RBFOX3: variants seen among roughly 807,000 people sequenced by gnomAD.
RBFOX3 encodes RNA binding fox-1 homolog 3.
RBFOX3 carries 17 observed loss-of-function variants against 48.7 expected under a neutral mutation model. The observed-to-expected ratio is 0.35, with a 90% CI of 0.24 to 0.52. The LOEUF is 0.52. RBFOX3 is among the 20% of genes least tolerant of loss of function. The pLI, the probability that RBFOX3 is intolerant of heterozygous loss-of-function variation, is 0.94. For synonymous variants in RBFOX3, 212 were observed against 209.5 expected (o/e 1.01, Z -0.10); for missense variants, 382 against 497.5 (o/e 0.77, Z 2.21).
At chr17:79,264,337 A>G (rs890679845) in intron 3 of RBFOX3, among the ~76,000 whole-genome samples, 1 of 151,260 alleles carries the variant, frequency 6.6e-6, no homozygotes, top group Non-Finnish European at 1.5e-5. Flanking sequence ...CGCCCTCCCA[A>G]AGTGCTGGGA....
intron 4 of RBFOX3, among the ~76,000 whole-genome samples, chr17:79,202,287 T>C (rs1020111585): frequency 6.6e-6 from 1 of 152,070 alleles, no homozygotes; most frequent in Non-Finnish European, 1.5e-5. Context: ...CAGAGTGGGA[T>C]TGGCAGGAGA....
intron 4 of RBFOX3, among the ~76,000 whole-genome samples, chr17:79,124,736 C>A (rs1159829097): frequency 1.3e-5 from 2 of 152,230 alleles, no homozygotes; most frequent in Non-Finnish European, 2.9e-5. Context: ...CCGCTCTCCA[C>A]CCCTTACCCC....
At chr17:79,449,800 G>T (rs561136742) in intron 2 of RBFOX3, among the ~76,000 whole-genome samples, 5 of 152,280 alleles carry the variant, frequency 3.3e-5, no homozygotes, top group African/African-American at 1.2e-4. Flanking sequence ...AGAGTGGTCT[G>T]GGCAGGAGAA....
intron 4 of RBFOX3, among the ~76,000 whole-genome samples, chr17:79,131,479 C>T (rs944570234): frequency 1.3e-5 from 2 of 152,242 alleles, no homozygotes; most frequent in African/African-American, 2.4e-5. Context: ...GCACCCACCA[C>T]CACCCGCAGG....
chr17:79,572,074 T>C, intron 1 of RBFOX3, among the ~76,000 whole-genome samples: 1 of 152,170 alleles, frequency 6.6e-6, no homozygotes, highest in South Asian at 2.1e-4. Context: ...TTATTATCAC[T>C]CCTCCCATCT....
chr17:79,116,651 G>A (rs913937901), intron 4 of RBFOX3, among the ~76,000 whole-genome samples: 2 of 152,246 alleles, frequency 1.3e-5, no homozygotes, highest in African/African-American at 4.8e-5. Context: ...TGCCAGTGAT[G>A]GCCATGACAG....
At chr17:79,651,242 G>A in the RBFOX3 span, among the ~76,000 whole-genome samples, 1 of 152,180 alleles carries the variant, frequency 6.6e-6, no homozygotes. Flanking sequence ...TTGGCTCAGG[G>A]TTGGCTTCTG....
Position 79,250,709 on chromosome 17 carries a change from C to T in RBFOX3, c.-73-14904G>A, listed in dbSNP as rs187335983. On this transcript the variant is annotated intron_variant, in intron 3 of 14. Coordinates refer to ENST00000693108, the MANE Select transcript of RBFOX3 (RefSeq NM_001350451.2). ...ACAGTATCCTCTGCAAGACTCCCTT[C>T]GGCAGCCACCCCTGTGCTTGGCTGT... Among the ~76,000 whole-genome samples the T allele has an allele frequency of 5.1e-3, 780 of 152,312 alleles. 3 individuals are homozygous for T. Among genetic ancestry groups the T allele is most frequent in the South Asian group, 0.021 (101 of 4,820 alleles).
chr17:79,662,183 T>A, the RBFOX3 span, among the ~76,000 whole-genome samples: 6 of 128,624 alleles, frequency 4.7e-5, no homozygotes, highest in Non-Finnish European at 6.3e-5. Context: ...AGTGCGGTGG[T>A]GCAATCTCTG....
chr17:79,192,551 C>T (rs1183087023), intron 4 of RBFOX3, among the ~76,000 whole-genome samples: 1 of 152,234 alleles, frequency 6.6e-6, no homozygotes, highest in Non-Finnish European at 1.5e-5. Context: ...ATAACCCTCC[C>T]AGCTTGGAGG....
intron 2 of RBFOX3, among the ~76,000 whole-genome samples, chr17:79,422,120 G>A (rs1208282363): frequency 2.6e-5 from 4 of 152,090 alleles, no homozygotes; most frequent in Admixed American, 1.3e-4. Flanking sequence ...GGTGTGGGCC[G>A]GGGAGGAGAG....
chr17:79,403,049 T>C (rs2063017151), intron 2 of RBFOX3, among the ~76,000 whole-genome samples: 2 of 152,130 alleles, frequency 1.3e-5, no homozygotes, highest in Non-Finnish European at 2.9e-5. Context: ...CACTAACCCC[T>C]GGACCTTTTC....
intron 2 of RBFOX3, among the ~76,000 whole-genome samples, chr17:79,445,034 G>A (rs562895941): frequency 1.3e-5 from 2 of 152,062 alleles, no homozygotes; most frequent in Non-Finnish European, 2.9e-5. Context: ...GTCTTTCACT[G>A]AGCATGACGT....
At chr17:79,614,810 A>G (rs1315208436), upstream of RBFOX3, among the ~76,000 whole-genome samples, 2 of 152,196 alleles carry the variant, frequency 1.3e-5, no homozygotes, top group Non-Finnish European at 2.9e-5. Context: ...AAGGCAAAGC[A>G]AAAAGGCAAA....
intron 4 of RBFOX3, among the ~76,000 whole-genome samples, chr17:79,157,350 A>G (rs756465243): frequency 6.6e-6 from 1 of 152,262 alleles, no homozygotes; most frequent in Admixed American, 6.5e-5. Context: ...CGGAGAGCCC[A>G]GCTGCCGTCC....
At chr17:79,227,489 T>C (rs1056419349) in intron 4 of RBFOX3, among the ~76,000 whole-genome samples, 4 of 152,158 alleles carry the variant, frequency 2.6e-5, no homozygotes, top group African/African-American at 9.7e-5. Flanking sequence ...AAGCATGTCA[T>C]TTGTGCTCAC....
intron 1 of RBFOX3, among the ~76,000 whole-genome samples, chr17:79,559,735 GAATGAATGGGTA>G (rs1310306055): frequency 3.4e-5 from 5 of 148,296 alleles, no homozygotes; most frequent in Admixed American, 1.3e-4. Flanking sequence ...ATGGATGGGT[GAATGAATGGGTA>G]GATGGATGGA....
chr17:79,105,981 C>T (rs904364649), intron 6 of RBFOX3, among the ~76,000 whole-genome samples: 31 of 152,308 alleles, frequency 2.0e-4, no homozygotes, highest in African/African-American at 7.2e-4. Context: ...AACAAAGTGA[C>T]CCAGGACCCA....
At position 79,418,159 on chromosome 17, in the gene RBFOX3, A is replaced by G. The variant is rs2065689182; in HGVS notation, c.-175+64295T>C. Among the ~76,000 whole-genome samples the G allele has an allele frequency of 6.6e-6, 1 of 152,230 alleles. No homozygotes were observed. The highest frequency in any genetic ancestry group is 2.4e-5 in the African/African-American group (1 of 41,456). On this transcript the variant is annotated intron_variant, in intron 2 of 14. Coordinates refer to ENST00000693108, the MANE Select transcript of RBFOX3 (RefSeq NM_001350451.2). This position sits in a 1 kb window ranked among gnomAD's most constrained non-coding sequence, Gnocchi z 5.0. ...TGGTGATGGCCGCACAACAAGATGAATGTACTTAATGCCACTGAACAGTGC... is the reference window on the plus strand; with the variant it reads ...TGGTGATGGCCGCACAACAAGATGAGTGTACTTAATGCCACTGAACAGTGC...
Sources: gnomAD v4.1 joint callset for allele counts (sites outside exome capture counted in the v4.1 genomes callset) on GRCh38, gnomAD v4.1.1 for gene constraint, Gnocchi (gnomAD v3.1) non-coding constraint, MANE v1.5 for transcripts, NCBI Gene and HGNC (gene_info 2026-07-23, HGNC 2026-07-21) for gene names.